The following ZNF473 variants were observed in gnomAD, a reference collection of about 807,000 sequenced individuals.
ZNF473 encodes zinc finger protein 473, also known as zinc finger protein 100 homolog.
ZNF473 carries 4 observed loss-of-function variants against 11.1 expected under a neutral mutation model. The ratio of observed to expected loss-of-function variants is 0.36; its 90% CI spans 0.18 to 0.82. ZNF473 has a LOEUF of 0.82. Among genes scored for constraint, ZNF473 ranks in the 40% least tolerant of loss-of-function variants. ZNF473 has a pLI of 0.49. For synonymous variants in ZNF473, 404 were observed against 390.4 expected, an observed-to-expected ratio of 1.03 and a Z score of -0.41; for missense variants, 854 against 1,084.0, an observed-to-expected ratio of 0.79 and a Z score of 2.98.
At chr19:50,041,917 C>T (rs186557645) in intron 4 of ZNF473, 98 bp downstream of exon 4, 2 of 946,238 alleles carry the variant, frequency 2.1e-6, no homozygotes, top group Admixed American at 2.6e-5. Flanking sequence ...CGAGACATTA[C>T]AACGCTCAGC....
At chr19:50,041,860 TC>T (rs774601755) in intron 4 of ZNF473, 41 bp downstream of exon 4, 2 of 1,518,550 alleles carry the variant, frequency 1.3e-6, no homozygotes, top group East Asian at 4.6e-5. Flanking sequence ...CCTTCTGTCT[TC>T]CAGACCTCCA....
Position 50,039,182 on chromosome 19 carries a change from G to A in ZNF473, c.31G>A (p.Val11Ile). 6.2e-7 allele frequency: 1 copy of A among 1,614,186 alleles called. No individual in the cohort carries two copies. The highest frequency in any genetic ancestry group is 1.3e-5 in the African/African-American group (1 of 75,064). The stretch of plus-strand genomic sequence containing the variant: ...TCAGGAATTTGTGACCCTCAAGGAT[G>A]TCGGCATGGACTTCACCTTGGGAGA... The part of the protein sequence containing the change: MAEEFVTLKD[V>I]GMDFTLGDWE... Residue 11 changes from valine (V) to isoleucine (I), a missense_variant, in exon 3 of 5, where the codon GTC (valine) becomes ATC (isoleucine). Around this residue, in one of 2 missense-constraint regions of ZNF473, gnomAD observed 668 missense variants for 790.2 expected, o/e 0.85. Transcript: ENST00000270617. The surrounding 1 kb of genome is among the most constrained non-coding windows in gnomAD (Gnocchi z 4.8).
intron 2 of ZNF473, among the ~76,000 whole-genome samples, chr19:50,037,237 G>C (rs185990436): frequency 5.3e-5 from 8 of 152,280 alleles, no homozygotes; most frequent in Non-Finnish European, 8.8e-5. Context: ...GCCCTGATGA[G>C]ATGGGACTCG....
intron 2 of ZNF473, among the ~76,000 whole-genome samples, chr19:50,035,968 TC>T (rs1452535475): frequency 6.8e-6 from 1 of 146,098 alleles, no homozygotes; most frequent in African/African-American, 2.6e-5. Context: ...CCTTTGAAAC[TC>T]TTTTTTTTTT....
intron 3 of ZNF473, among the ~76,000 whole-genome samples, chr19:50,040,345 G>C (rs1361322989): frequency 2.0e-5 from 3 of 152,234 alleles, no homozygotes; most frequent in African/African-American, 4.8e-5. Context: ...GCTCATCAGA[G>C]ACTCAGTGCC....
chr19:50,045,633 A>G lies in ZNF473; in HGVS notation c.1190A>G (p.His397Arg), dbSNP rs775811062. 3.1e-6 allele frequency: 5 copies of G among 1,614,126 alleles called. No individual in the cohort carries two copies. The East Asian group carries it at 1.1e-4, about 36-fold the overall frequency. Residue 397 changes from histidine to arginine, a missense_variant, in exon 5 of 5, where the codon CAT becomes CGT. By Grantham distance (29) the His-to-Arg change is conservative. This residue lies in a region of ZNF473 where 668 missense variants were observed against 790.2 expected (regional missense o/e 0.85). Coordinates refer to ENST00000270617, the MANE Select transcript of ZNF473 (RefSeq NM_015428.4). ...CTGCTCATTGAACACCAGGCTCTTC[A>G]TGCTGGAGAGGAGCCTTATAAGTGT... Reference protein sequence around the residue: ...SSLLIEHQALHAGEEPYKCNE... With the variant: ...SSLLIEHQALRAGEEPYKCNE...
intron 4 of ZNF473, chr19:50,043,464 T>C (rs1258104073): frequency 7.0e-6 from 1 of 143,852 alleles, no homozygotes; most frequent in Non-Finnish European, 1.5e-5. Flanking sequence ...TATATATATA[T>C]ATATATATAT....
At position 50,045,473 on chromosome 19, in the gene ZNF473, C is replaced by G. The variant is rs1051456524; in HGVS notation, c.1030C>G (p.Arg344Gly). 4.3e-6 allele frequency: 7 copies of G among 1,614,024 alleles called. No individual in the cohort carries two copies. ...TACTCGGCACCAGAAGATCCACACTCGGAAACGCTATGAGTGTTCCAAGTG... is the reference window on the plus strand; with the variant it reads ...TACTCGGCACCAGAAGATCCACACTGGGAAACGCTATGAGTGTTCCAAGTG... ...HLTRHQKIHT[R>G]KRYECSKCQA... Residue 344 changes from arginine (R) to glycine (G), a missense_variant, in exon 5 of 5, where the codon CGG becomes GGG. By Grantham distance (125) the Arg-to-Gly change is moderately radical. Around this residue, in one of 2 missense-constraint regions of ZNF473, gnomAD observed 668 missense variants for 790.2 expected, o/e 0.85. Coordinates refer to ENST00000270617, the MANE Select transcript of ZNF473 (RefSeq NM_015428.4).
intron 1 of ZNF473, among the ~76,000 whole-genome samples, chr19:50,028,515 AT>A (rs60450992): frequency 0.056 from 8,194 of 146,354 alleles, 730 homozygotes; most frequent in African/African-American, 0.19. Flanking sequence ...CTCATTTTTA[AT>A]TTTTTTTTTT....
At chr19:50,026,571 A>G (rs1600745242) in intron 1 of ZNF473, among the ~76,000 whole-genome samples, 1 of 147,356 alleles carries the variant, frequency 6.8e-6, no homozygotes, top group African/African-American at 2.5e-5. Context: ...AAAAAAAAAG[A>G]AAGGAAGAAA....
At chr19:50,026,949 G>A (rs555094265) in intron 1 of ZNF473, among the ~76,000 whole-genome samples, 1 of 152,280 alleles carries the variant, frequency 6.6e-6, no homozygotes, top group South Asian at 2.1e-4. Flanking sequence ...GCTGGACGAT[G>A]GATGGGAGTT....
In ZNF473 at chr19:50,045,666, G is replaced by C. The variant is rs201939961; in HGVS notation, c.1223G>C (p.Arg408Pro). 6.2e-7 allele frequency: 1 copy of C among 1,614,058 alleles called. No individual in the cohort carries two copies. The highest frequency in any genetic ancestry group is 1.7e-5 in the Admixed American group (1 of 60,012). Residue 408 changes from arginine (R) to proline (P), a missense_variant, in exon 5 of 5, where the codon CGT (arginine) becomes CCT (proline). Coordinates refer to ENST00000270617, the MANE Select transcript of ZNF473 (RefSeq NM_015428.4). ...GAGGAGCCTTATAAGTGTAACGAAC[G>C]TGGGAAATCCTTCAGGCATAACTCT... ...AGEEPYKCNE[R>P]GKSFRHNSTL...
At chr19:50,028,672 T>C (rs2077300859) in intron 1 of ZNF473, among the ~76,000 whole-genome samples, 1 of 152,158 alleles carries the variant, frequency 6.6e-6, no homozygotes, top group Non-Finnish European at 1.5e-5. Flanking sequence ...TCGTGGGATG[T>C]AGACCCAATG....
chr19:50,039,337 C>G lies in ZNF473; in HGVS notation c.136+50C>G, dbSNP rs1978647793. The G allele has an allele frequency of 1.2e-6, 2 of 1,606,414 alleles. No homozygotes were observed. Among genetic ancestry groups the G allele is most frequent in the Admixed American group, 1.7e-5 (1 of 59,766 alleles). ...CCTACTCACTGCCCTGCTTGGTGATCACCCATGCTCTCTACCACCCACAGG... is the reference window on the plus strand; with the variant it reads ...CCTACTCACTGCCCTGCTTGGTGATGACCCATGCTCTCTACCACCCACAGG... On this transcript the variant is annotated intron_variant, in intron 3 of 4. Transcript: ENST00000270617. This position sits in a 1 kb window ranked among gnomAD's most constrained non-coding sequence, Gnocchi z 4.8.
rs1317075645 is a variant in ZNF473 at position 50,044,922 on chromosome 19, C to G, written c.479C>G (p.Ser160Cys). Residue 160 changes from serine (S) to cysteine (C), a missense_variant, in exon 5 of 5, where the codon TCC (serine) becomes TGC (cysteine). Transcript: ENST00000270617. ...TTAAAGAGAGGACTCAGTCCTGTGT[C>G]CACCGTTTCCACGGGAGAAGATTCC... ...HELKRGLSPVSTVSTGEDSMV... is the reference protein window; with the variant it reads ...HELKRGLSPVCTVSTGEDSMV... The G allele has an allele frequency of 1.2e-6, 2 of 1,614,192 alleles. No individual in the cohort carries two copies. Among genetic ancestry groups the G allele is most frequent in the Admixed American group, 3.3e-5 (2 of 60,030 alleles).
chr19:50,028,297 C>CAA lies in ZNF473; in HGVS notation c.-192+2191_-192+2192dup, dbSNP rs770803175. 7.7e-4 allele frequency among the ~76,000 whole-genome samples: 56 copies of CAA among 72,838 alleles called. 1 individual carries two copies. Among genetic ancestry groups the CAA allele is most frequent in the South Asian group, 4.9e-3 (12 of 2,432 alleles). The allele number at this position is 72,838 out of a possible 152,430, so 47.8% of individuals were successfully genotyped here. A position where few individuals can be genotyped will look rare whatever the true frequency, so the allele number is the denominator to read the frequency against. On this transcript the variant is annotated intron_variant, in intron 1 of 4. Coordinates refer to ENST00000270617, the MANE Select transcript of ZNF473 (RefSeq NM_015428.4). ...TGGGCGACAGAACGAGACTCCGTCT[C>CAA]AAAAAAAAAAAAAAAAACAAATTTA...
intron 1 of ZNF473, among the ~76,000 whole-genome samples, chr19:50,027,437 G>T (rs532683707): frequency 2.0e-5 from 3 of 152,262 alleles, no homozygotes; most frequent in Admixed American, 2.0e-4. Context: ...AGACTCTTGG[G>T]CCCAAGGTCT....
In ZNF473 at chr19:50,026,125, A is replaced by G. The variant is rs2077271743; in HGVS notation, c.-192+3A>G. The G allele has an allele frequency of 6.5e-6, 1 of 152,688 alleles. No homozygotes were observed. Among genetic ancestry groups the G allele is most frequent in the Admixed American group, 6.5e-5 (1 of 15,286 alleles). The allele number at this position is 152,688 out of a possible 1,614,324, so 9.5% of individuals were successfully genotyped here. A position where few individuals can be genotyped will look rare whatever the true frequency, so the allele number is the denominator to read the frequency against. ...ACGCGGCCGACTACAATCCCGAGGT[A>G]CGGAGACGCTGGGGCTGAGGGACTT... On this transcript the variant is annotated splice_donor_region_variant and intron_variant, in intron 1 of 4. Transcript: ENST00000270617.
intron 2 of ZNF473, among the ~76,000 whole-genome samples, chr19:50,034,556 G>A (rs1158931707): frequency 6.6e-6 from 1 of 151,288 alleles, no homozygotes. Context: ...TAGCCCTCTC[G>A]CATCCCCAAT....
Sources: gnomAD v4.1 joint callset for allele counts (sites outside exome capture counted in the v4.1 genomes callset) on GRCh38, gnomAD v4.1.1 for gene constraint, gnomAD v4.1.1 regional missense constraint, Gnocchi (gnomAD v3.1) non-coding constraint, MANE v1.5 for transcripts, NCBI Gene and HGNC (gene_info 2026-07-23, HGNC 2026-07-21) for gene names.